The following STAM variants were observed in gnomAD, a reference collection of about 807,000 sequenced individuals.
STAM encodes the protein signal transducing adaptor molecule, also known as signal transducing adapter molecule 1.
In STAM, 16 loss-of-function variants were observed where a neutral mutation model predicts 63.4. The observed-to-expected ratio is 0.25, with a 90% CI of 0.17 to 0.38. STAM has a LOEUF of 0.38. Ranked by LOEUF, STAM falls within the 10% of genes least tolerant of loss-of-function variation. The pLI is 1.00. For synonymous variants in STAM, 238 were observed against 223.9 expected (o/e 1.06, Z -0.56); for missense variants, 636 against 657.1 (o/e 0.97, Z 0.35).
Position 17,660,472 on chromosome 10 carries a change from A to G in STAM, c.49A>G (p.Thr17Ala). 1.3e-6 allele frequency: 2 copies of G among 1,594,458 alleles called. No homozygotes were observed. Among genetic ancestry groups the G allele is most frequent in the Non-Finnish European group, 8.5e-7 (1 of 1,171,094 alleles). Residue 17 changes from threonine to alanine, a missense_variant, in exon 2 of 14, where the codon ACC becomes GCC. By Grantham distance (58) the Thr-to-Ala change is moderately conservative. Around this residue, in one of 3 missense-constraint regions of STAM, gnomAD observed 87 missense variants for 80.3 expected, o/e 1.08. Coordinates refer to ENST00000377524, the MANE Select transcript of STAM (RefSeq NM_003473.4). ...NPFDQDVEKA[T>A]SEMNTAEDWG... ...CCCTTTACAATCTACAGAGAAAGCAACCAGCGAGATGAATACTGCTGAGGA... is the reference window on the plus strand; with the variant it reads ...CCCTTTACAATCTACAGAGAAAGCAGCCAGCGAGATGAATACTGCTGAGGA...
chr10:17,664,641 A>G (rs1554823213), intron 2 of STAM, among the ~76,000 whole-genome samples: 1 of 152,172 alleles, frequency 6.6e-6, no homozygotes, highest in Non-Finnish European at 1.5e-5. Context: ...AGAGAAGACT[A>G]TAACATGTAA....
chr10:17,681,838 T>G (rs1337049582), intron 2 of STAM, among the ~76,000 whole-genome samples: 4 of 152,260 alleles, frequency 2.6e-5, no homozygotes, highest in African/African-American at 9.6e-5. Flanking sequence ...TGTGAATGTT[T>G]TGAACACTGA....
intron 1 of STAM, among the ~76,000 whole-genome samples, chr10:17,651,507 T>G (rs1554821548): frequency 6.6e-6 from 1 of 152,236 alleles, no homozygotes. Flanking sequence ...CCATCTGATA[T>G]CCACTGGATT....
intron 2 of STAM, among the ~76,000 whole-genome samples, chr10:17,678,260 A>ATTTGTTTT (rs1296903101): frequency 1.3e-5 from 2 of 150,104 alleles, no homozygotes; most frequent in African/African-American, 2.4e-5. Flanking sequence ...ATGTGGTGTA[A>ATTTGTTTT]TTTTTTTTTT....
intron 7 of STAM, among the ~76,000 whole-genome samples, chr10:17,696,321 T>C (rs1297445642): frequency 6.6e-6 from 1 of 152,120 alleles, no homozygotes; most frequent in Admixed American, 6.5e-5. Context: ...TGCGAATGTT[T>C]TGCACTGTGA....
At chr10:17,701,390 T>G (rs1554828404) in intron 9 of STAM, among the ~76,000 whole-genome samples, 1 of 152,218 alleles carries the variant, frequency 6.6e-6, no homozygotes, top group Non-Finnish European at 1.5e-5. Context: ...AGCAAACCAT[T>G]AAGGATTTTT....
chr10:17,692,115 AT>A lies in STAM; in HGVS notation c.445-1103del, dbSNP rs376599582. ...AGGTGTAGGTGCTATTATCGTAGTC[AT>A]TTTATTGATGAGGAATTTGAGGCAC... On this transcript the variant is annotated intron_variant, in intron 5 of 13. Transcript: ENST00000377524. 4.0e-3 allele frequency among the ~76,000 whole-genome samples: 611 copies of A among 152,316 alleles called. 4 individuals are homozygous for A. Among genetic ancestry groups the A allele is most frequent in the African/African-American group, 0.014 (585 of 41,570 alleles).
At chr10:17,654,702 G>A (rs74120049) in intron 1 of STAM, among the ~76,000 whole-genome samples, 2,582 of 152,186 alleles carry the variant, frequency 0.017, 68 homozygotes, top group African/African-American at 0.059. Flanking sequence ...CAAAACTTGA[G>A]CAATGATAGG....
At chr10:17,679,550 C>T (rs912847853) in intron 2 of STAM, among the ~76,000 whole-genome samples, 6 of 150,198 alleles carry the variant, frequency 4.0e-5, no homozygotes, top group Non-Finnish European at 7.4e-5. Flanking sequence ...TGCACAAAAA[C>T]TTTTAATTTT....
At chr10:17,708,266 T>C (rs1056450273) in intron 12 of STAM, among the ~76,000 whole-genome samples, 2 of 152,214 alleles carry the variant, frequency 1.3e-5, no homozygotes, top group African/African-American at 4.8e-5. Flanking sequence ...AGAGACTACA[T>C]GGTCCACAAA....
chr10:17,677,229 A>G (rs1160568985), intron 2 of STAM, among the ~76,000 whole-genome samples: 1 of 152,184 alleles, frequency 6.6e-6, no homozygotes, highest in African/African-American at 2.4e-5. Context: ...AATAAAAAGG[A>G]ATAGTTTCAT....
intron 9 of STAM, among the ~76,000 whole-genome samples, chr10:17,700,611 T>C (rs541873338): frequency 2.0e-5 from 3 of 151,916 alleles, no homozygotes; most frequent in Admixed American, 6.6e-5. Flanking sequence ...TGAACATCTA[T>C]CTTTGTGTTT....
At chr10:17,686,378 C>CT (rs782424712) in intron 4 of STAM, among the ~76,000 whole-genome samples, 12,004 of 137,998 alleles carry the variant, frequency 0.087, 573 homozygotes, top group Middle Eastern at 0.14. Flanking sequence ...AACATCCCGC[C>CT]TTTTTTTTTT....
chr10:17,706,192 G>T (rs1331139028), intron 12 of STAM, among the ~76,000 whole-genome samples: 1 of 151,946 alleles, frequency 6.6e-6, no homozygotes, highest in Non-Finnish European at 1.5e-5. Context: ...TTACTTGGCA[G>T]TTACAGCATA....
chr10:17,711,854 T>TA (rs1836570399), intron 13 of STAM, among the ~76,000 whole-genome samples: 1 of 152,312 alleles, frequency 6.6e-6, no homozygotes, highest in African/African-American at 2.4e-5. Flanking sequence ...TAAATGGCAG[T>TA]AGCGTAGATG....
chr10:17,669,672 T>A (rs1834543902), intron 2 of STAM, among the ~76,000 whole-genome samples: 1 of 151,528 alleles, frequency 6.6e-6, no homozygotes, highest in Admixed American at 6.6e-5. Context: ...TTTCACTGAT[T>A]GGGAATTTCC....
At chr10:17,659,374 C>G (rs1291704028) in intron 1 of STAM, among the ~76,000 whole-genome samples, 1 of 148,882 alleles carries the variant, frequency 6.7e-6, no homozygotes, top group African/African-American at 2.5e-5. Flanking sequence ...TTAGAATAAA[C>G]TATTTTTTGT....
chr10:17,644,392 G>A lies in STAM; in HGVS notation c.40+13G>A, dbSNP rs57017755. The A allele has an allele frequency of 5.6e-6, 9 of 1,613,858 alleles. No homozygotes were observed. Among genetic ancestry groups the A allele is most frequent in the Middle Eastern group, 1.6e-4 (1 of 6,084 alleles). On this transcript the variant is annotated intron_variant, in intron 1 of 13. Transcript: ENST00000377524. Reference sequence around the variant, plus strand: ...GATCAGGATGTTGGTAAGTGTTTTTGCCTCTCCCTGCCCATTCCTCACCGG... The same window carrying A: ...GATCAGGATGTTGGTAAGTGTTTTTACCTCTCCCTGCCCATTCCTCACCGG...
At chr10:17,697,682 A>G (rs1451357250) in intron 8 of STAM, among the ~76,000 whole-genome samples, 1 of 152,174 alleles carries the variant, frequency 6.6e-6, no homozygotes, top group Non-Finnish European at 1.5e-5. Context: ...CATAATGATG[A>G]GTTTAGTCAT....
Sources: allele counts gnomAD v4.1 joint callset (sites outside exome capture counted in the v4.1 genomes callset), GRCh38; gene constraint gnomAD v4.1.1; regional missense constraint gnomAD v4.1.1; transcripts MANE v1.5; gene names NCBI Gene and HGNC (gene_info 2026-07-23, HGNC 2026-07-21).